Variants in NEDD9 observed in about 807,000 individuals in gnomAD.
The protein encoded by NEDD9 is neural precursor cell expressed, developmentally down-regulated 9, also known as enhancer of filamentation 1.
In NEDD9, 26 loss-of-function variants were observed where a neutral mutation model predicts 76.6. The ratio of observed to expected loss-of-function variants is 0.34; its 90% CI spans 0.25 to 0.47. The LOEUF (loss-of-function observed/expected upper bound fraction) is 0.47. Among genes scored for constraint, NEDD9 ranks in the 20% least tolerant of loss-of-function variants. The pLI is 1.00. For missense variants in NEDD9, 937 were observed against 1,058.5 expected, an observed-to-expected ratio of 0.89 and a Z score of 1.59; for synonymous variants, 392 against 414.2, an observed-to-expected ratio of 0.95 and a Z score of 0.65.
chr6:11,223,664 G>A (rs1228741882), intron 1 of NEDD9, among the ~76,000 whole-genome samples: 3 of 152,160 alleles, frequency 2.0e-5, no homozygotes, highest in Non-Finnish European at 1.5e-5. Flanking sequence ...CAGGTGCTGC[G>A]GGCTATGAGG....
At chr6:11,352,921 T>C (rs1450027738) in intron 1 of NEDD9, 12 of 152,270 alleles carry the variant, frequency 7.9e-5, no homozygotes, top group African/African-American at 2.7e-4. Context: ...GCAGAGTTAT[T>C]TGAGGATTCA....
upstream of NEDD9, chr6:11,232,738 T>G: frequency 7.0e-7 from 1 of 1,424,532 alleles, no homozygotes; most frequent in South Asian, 1.5e-5. Context: ...CATTGGCTAG[T>G]GGGACAAGGT....
At chr6:11,197,681 C>T (rs1229496584) in intron 2 of NEDD9, among the ~76,000 whole-genome samples, 1 of 152,184 alleles carries the variant, frequency 6.6e-6, no homozygotes, top group Non-Finnish European at 1.5e-5. Context: ...TGTTAGTTCT[C>T]TAATTAATCT....
intron 1 of NEDD9, among the ~76,000 whole-genome samples, chr6:11,361,863 T>C (rs1582049947): frequency 1.3e-5 from 2 of 151,878 alleles, no homozygotes; most frequent in Admixed American, 1.3e-4. Context: ...TGGGCTGGGG[T>C]GTTCAAGAAG....
chr6:11,286,937 A>G (rs973989635), intron 3 of NEDD9, among the ~76,000 whole-genome samples: 1 of 152,170 alleles, frequency 6.6e-6, no homozygotes, highest in African/African-American at 2.4e-5. Context: ...ATATATGTCA[A>G]TGTTATCAAA....
intron 3 of NEDD9, among the ~76,000 whole-genome samples, chr6:11,247,026 A>G (rs1162424168): frequency 6.6e-6 from 1 of 152,078 alleles, no homozygotes; most frequent in Non-Finnish European, 1.5e-5. Context: ...GCCAAACAAG[A>G]TTTGTGCTCC....
intron 3 of NEDD9, among the ~76,000 whole-genome samples, chr6:11,277,838 G>A (rs894708613): frequency 5.9e-5 from 9 of 152,170 alleles, no homozygotes; most frequent in East Asian, 1.9e-4. Flanking sequence ...TCCCAGCTAC[G>A]GAATGATTAG....
chr6:11,313,745 G>A lies in NEDD9; in HGVS notation c.-152-7590C>T, dbSNP rs577948382. ...TTTGGATCTCAGTTTCCTCATTTGC[G>A]ACGGGAAGAGTAAACAAGCTCATTT... On this transcript the variant is annotated intron_variant, in intron 2 of 3. Coordinates refer to the NEDD9 transcript ENST00000397378. Among the ~76,000 whole-genome samples, 655 of 152,280 alleles carry A rather than the reference G, an allele frequency of 4.3e-3. 1 individual carries two copies. Among genetic ancestry groups the A allele is most frequent in the Middle Eastern group, 0.02 (6 of 294 alleles).
At chr6:11,374,142 T>C (rs1762932320) in intron 1 of NEDD9, among the ~76,000 whole-genome samples, 1 of 152,074 alleles carries the variant, frequency 6.6e-6, no homozygotes, top group South Asian at 2.1e-4. Flanking sequence ...TACACCCACC[T>C]TACTCCTTTG....
chr6:11,341,273 T>G (rs1236649891), intron 1 of NEDD9, among the ~76,000 whole-genome samples: 1 of 152,134 alleles, frequency 6.6e-6, no homozygotes, highest in Non-Finnish European at 1.5e-5. Flanking sequence ...GAGTGTGAGG[T>G]GAGCCCCACA....
intron 3 of NEDD9, among the ~76,000 whole-genome samples, chr6:11,239,285 G>A (rs9461574): frequency 0.43 from 64,644 of 152,018 alleles, 13,905 homozygotes; most frequent in Admixed American, 0.48. Context: ...TTTCTTTTCC[G>A]CAATGAGATT....
chr6:11,216,547 G>A (rs930725762), intron 1 of NEDD9, among the ~76,000 whole-genome samples: 4 of 152,326 alleles, frequency 2.6e-5, no homozygotes, highest in South Asian at 2.1e-4. Context: ...GCTCAGCCAC[G>A]CAGCATCCTT....
chr6:11,255,399 G>A (rs537493277), intron 3 of NEDD9, among the ~76,000 whole-genome samples: 25 of 152,310 alleles, frequency 1.6e-4, no homozygotes, highest in South Asian at 1.2e-3. Context: ...AAAGAAATTC[G>A]CGTTGCCATG....
At chr6:11,367,553 T>A (rs1466686487) in intron 1 of NEDD9, among the ~76,000 whole-genome samples, 1 of 152,232 alleles carries the variant, frequency 6.6e-6, no homozygotes, top group South Asian at 2.1e-4. Context: ...GTCAGATCTA[T>A]CTGCCAAGAC....
chr6:11,355,912 G>T (rs12198640), intron 1 of NEDD9, among the ~76,000 whole-genome samples: 10 of 151,564 alleles, frequency 6.6e-5, no homozygotes, highest in South Asian at 4.2e-4. Flanking sequence ...TAGTAGAGAC[G>T]GGGTTTCACC....
At chr6:11,279,933 C>T (rs909307481) in intron 3 of NEDD9, among the ~76,000 whole-genome samples, 4 of 152,144 alleles carry the variant, frequency 2.6e-5, no homozygotes, top group African/African-American at 9.7e-5. Context: ...CCCAGAGAAA[C>T]ATCGTGGGTG....
At chr6:11,262,809 AAT>A (rs1175079089) in intron 3 of NEDD9, among the ~76,000 whole-genome samples, 1 of 152,264 alleles carries the variant, frequency 6.6e-6, no homozygotes, top group African/African-American at 2.4e-5. Flanking sequence ...AATTCAGGTA[AAT>A]TATGACATCT....
chr6:11,187,893 A>G (rs1445038931), intron 6 of NEDD9, among the ~76,000 whole-genome samples: 2 of 152,214 alleles, frequency 1.3e-5, no homozygotes, highest in African/African-American at 4.8e-5. Context: ...CTGTGGCTTT[A>G]CTATAAACCT....
chr6:11,297,133 T>G (rs1018407818), intron 3 of NEDD9, among the ~76,000 whole-genome samples: 3 of 60,298 alleles, frequency 5.0e-5, no homozygotes, highest in Admixed American at 4.2e-4. Flanking sequence ...ATTTGTTTTG[T>G]TTTTTTTTTT....
Sources: allele counts gnomAD v4.1 joint callset (sites outside exome capture counted in the v4.1 genomes callset), GRCh38; gene constraint gnomAD v4.1.1; transcripts MANE v1.5; gene names NCBI Gene and HGNC (gene_info 2026-07-23, HGNC 2026-07-21).